CDC6: variants seen among roughly 807,000 people sequenced by gnomAD.
The protein encoded by CDC6 is cell division cycle 6, also known as DNA replication factor CDC6.
CDC6 carries 46 observed loss-of-function variants against 60.2 expected under a neutral mutation model. That is an observed-to-expected ratio of 0.76 (90% CI 0.60 to 0.98). The LOEUF (loss-of-function observed/expected upper bound fraction) is 0.98. Ranked by LOEUF, CDC6 falls within the 50% of genes least tolerant of loss-of-function variation. The pLI is 0.00. For missense variants in CDC6, 596 were observed against 652.9 expected (o/e 0.91, Z 0.95); for synonymous variants, 210 against 233.2 (o/e 0.90, Z 0.90).
In CDC6 at chr17:40,302,094, C is replaced by T; in HGVS notation, c.*93C>T. ...TGCTTTACACATTCGGGCCTGAAAA[C>T]AAATATGACCTTTTTTACTTGAAGC... On this transcript the variant is annotated 3_prime_UTR_variant, in exon 12 of 12. Coordinates refer to ENST00000209728, the MANE Select transcript of CDC6 (RefSeq NM_001254.4). The T allele has an allele frequency of 1.3e-6, 1 of 791,848 alleles. No individual in the cohort carries two copies. The highest frequency in any genetic ancestry group is 2.3e-6 in the Non-Finnish European group (1 of 436,980). 49.1% of individuals were successfully genotyped at this position (791,848 alleles called of 1,614,324 possible).
chr17:40,297,512 A>ACTTAAAAC (rs2032875343), intron 9 of CDC6, among the ~76,000 whole-genome samples: 1 of 152,146 alleles, frequency 6.6e-6, no homozygotes, highest in Non-Finnish European at 1.5e-5. Flanking sequence ...AGCATGCAGG[A>ACTTAAAAC]CTTAAAACCT....
chr17:40,300,821 T>C lies in CDC6; in HGVS notation c.1250-7T>C. On this transcript the variant is annotated splice_region_variant and splice_polypyrimidine_tract_variant and intron_variant, in intron 9 of 11. Coordinates refer to ENST00000209728, the MANE Select transcript of CDC6 (RefSeq NM_001254.4). ...ATCGAATTAAGCTTGGCTTATTTAC[T>C]TTATAGGTAAATCACCTTCTGAGCC... 6.2e-7 allele frequency: 1 copy of C among 1,605,966 alleles called. No individual in the cohort carries two copies. The highest frequency in any genetic ancestry group is 8.5e-7 in the Non-Finnish European group (1 of 1,172,580).
At chr17:40,290,934 A>G in intron 2 of CDC6, 124 bp from the exon 3 acceptor site, 1 of 978,420 alleles carries the variant, frequency 1.0e-6, no homozygotes, top group South Asian at 1.3e-5. Flanking sequence ...GTGAGAAGGC[A>G]TTTTATTTTG....
chr17:40,289,138 G>A, intron 1 of CDC6: 2 of 388,152 alleles, frequency 5.2e-6, no homozygotes, highest in Non-Finnish European at 9.8e-6. Context: ...GTAAAATAAA[G>A]GCTAATAATA....
intron 9 of CDC6, 115 bp from the exon 10 acceptor site, chr17:40,300,713 C>T (rs4135028): frequency 1.2e-6 from 1 of 840,234 alleles, no homozygotes; most frequent in Admixed American, 1.7e-5. Flanking sequence ...GCTTTGCCAC[C>T]ATGTGACTAT....
At chr17:40,298,731 C>T (rs1201404232) in intron 9 of CDC6, among the ~76,000 whole-genome samples, 1 of 152,078 alleles carries the variant, frequency 6.6e-6, no homozygotes, top group East Asian at 1.9e-4. Context: ...CTCCAGAAAG[C>T]TATAGGGAGA....
intron 4 of CDC6, 117 bp downstream of exon 4, chr17:40,291,785 G>A (rs969157199): frequency 3.1e-5 from 34 of 1,094,240 alleles, no homozygotes; most frequent in African/African-American, 1.4e-4. Context: ...TCGCTCTGTC[G>A]CCTAGGCTGT....
chr17:40,291,524 G>A lies in CDC6; in HGVS notation c.516G>A (p.Leu172=). The change falls in exon 4 of 12, where the codon CTG becomes CTA. Residue 172 remains leucine (L), a synonymous_variant. Coordinates refer to ENST00000209728, the MANE Select transcript of CDC6 (RefSeq NM_001254.4). ...LVLNTAVPDR[L]PAREREMDVI... ...TGAACACAGCTGTCCCAGATCGGCT[G>A]CCTGCCAGGGAAAGGGAGATGGATG... is the stretch of plus-strand genomic sequence containing the variant. The A allele has an allele frequency of 6.2e-7, 1 of 1,614,214 alleles. No homozygotes were observed. Among genetic ancestry groups the A allele is most frequent in the Non-Finnish European group, 8.5e-7 (1 of 1,180,040 alleles).
Position 40,303,569 on chromosome 17 carries a change from C to T in CDC6, c.*1568C>T, listed in dbSNP as rs2032966126. Reference sequence around the variant, plus strand: ...GAGAGCCCTCTGAAATGAACACTACCCACTGGTGTGTGTAGCACATGATAG... The same window carrying T: ...GAGAGCCCTCTGAAATGAACACTACTCACTGGTGTGTGTAGCACATGATAG... On this transcript the variant is annotated 3_prime_UTR_variant, in exon 12 of 12. Transcript: ENST00000209728. 1 of 152,238 alleles carries T rather than the reference C, an allele frequency of 6.6e-6. No individual in the cohort carries two copies. The highest frequency in any genetic ancestry group is 2.4e-5 in the African/African-American group (1 of 41,436). 9.4% of individuals were successfully genotyped at this position (152,238 alleles called of 1,614,324 possible). A position where few individuals can be genotyped will look rare whatever the true frequency, so the allele number is the denominator to read the frequency against.
intron 9 of CDC6, among the ~76,000 whole-genome samples, chr17:40,298,447 G>A (rs1241688453): frequency 6.6e-6 from 1 of 151,326 alleles, no homozygotes; most frequent in African/African-American, 2.4e-5. Context: ...TGTCTCCCAG[G>A]CTGGAGTCCA....
At position 40,302,182 on chromosome 17, in the gene CDC6, A is replaced by G. The variant is rs141386457; in HGVS notation, c.*181A>G. 4.6e-4 allele frequency: 276 copies of G among 605,864 alleles called. 3 individuals are homozygous for G. The East Asian group carries it at 6.8e-3, about 15-fold the overall frequency. The allele number at this position is 605,864 out of a possible 1,614,324, so 37.5% of individuals were successfully genotyped here. A position where few individuals can be genotyped will look rare whatever the true frequency, so the allele number is the denominator to read the frequency against. Reference sequence around the variant, plus strand: ...CAGAATAATATCTTTGGGTCTTACTATTTTTACCCATAAAAGTGACCAGGT... The same window carrying G: ...CAGAATAATATCTTTGGGTCTTACTGTTTTTACCCATAAAAGTGACCAGGT... On this transcript the variant is annotated 3_prime_UTR_variant, in exon 12 of 12. Transcript: ENST00000209728.
intron 2 of CDC6, 114 bp from the exon 3 acceptor site, chr17:40,290,944 G>T (rs2032747766): frequency 9.5e-6 from 10 of 1,050,802 alleles, no homozygotes; most frequent in Non-Finnish European, 1.5e-5. Flanking sequence ...ATTTTATTTT[G>T]GTGGTTCTGA....
chr17:40,289,651 C>A, intron 2 of CDC6, 53 bp downstream of exon 2: 1 of 1,339,322 alleles, frequency 7.5e-7, no homozygotes, highest in Non-Finnish European at 1.0e-6. Context: ...CCTTTCTTTT[C>A]TTGGTAAGAT....
intron 8 of CDC6, among the ~76,000 whole-genome samples, chr17:40,295,826 C>T (rs529542353): frequency 1.3e-5 from 2 of 152,100 alleles, no homozygotes; most frequent in Non-Finnish European, 2.9e-5. Context: ...GTTCCCCTTC[C>T]TTTCCTTTTG....
chr17:40,295,350 C>G lies in CDC6; in HGVS notation c.1084-6C>G. 1 of 1,578,020 alleles carries G rather than the reference C, an allele frequency of 6.3e-7. No individual in the cohort carries two copies. The highest frequency in any genetic ancestry group is 8.7e-7 in the Non-Finnish European group (1 of 1,147,058). On this transcript the variant is annotated splice_polypyrimidine_tract_variant and splice_region_variant and intron_variant, in intron 7 of 11. Transcript: ENST00000209728. ...CAAACTGTCATCTTCTATGTCTTGT[C>G]TGAAGGTATCTAGAGATCAGGTTCT...
At chr17:40,289,367 T>A in intron 1 of CDC6, 41 bp from the exon 2 acceptor site, 1 of 1,454,700 alleles carries the variant, frequency 6.9e-7, no homozygotes, top group Admixed American at 1.7e-5. Flanking sequence ...CTCTTCACTT[T>A]CACATATTGA....
chr17:40,299,686 C>G (rs1243322508), intron 9 of CDC6, among the ~76,000 whole-genome samples: 2 of 150,166 alleles, frequency 1.3e-5, no homozygotes. Flanking sequence ...TTGCTTTGAG[C>G]TAAGGAGTTC....
At chr17:40,294,124 A>G in intron 6 of CDC6, 68 bp downstream of exon 6, 1 of 1,250,044 alleles carries the variant, frequency 8.0e-7, no homozygotes, top group Non-Finnish European at 1.2e-6. Context: ...TATTCAGCTT[A>G]TTTATCAGCT....
At chr17:40,297,371 C>T (rs2032873287) in intron 9 of CDC6, among the ~76,000 whole-genome samples, 1 of 152,094 alleles carries the variant, frequency 6.6e-6, no homozygotes, top group Non-Finnish European at 1.5e-5. Context: ...AGCAAAGTAA[C>T]ACAGGAACAG....
Sources: allele counts gnomAD v4.1 joint callset (sites outside exome capture counted in the v4.1 genomes callset), GRCh38; gene constraint gnomAD v4.1.1; transcripts MANE v1.5; gene names NCBI Gene and HGNC (gene_info 2026-07-23, HGNC 2026-07-21).